The following HTR1F variants were observed in gnomAD, a reference collection of about 807,000 sequenced individuals.
The protein encoded by HTR1F is 5-hydroxytryptamine (serotonin) receptor 1F, G protein-coupled.
HTR1F carries 17 observed loss-of-function variants against 24.0 expected under a neutral mutation model. The ratio of observed to expected loss-of-function variants is 0.71; its 90% CI spans 0.48 to 1.06. HTR1F has a LOEUF of 1.06. HTR1F is among the 50% of genes least tolerant of loss of function. The pLI is 0.00. For synonymous variants in HTR1F, 186 were observed against 156.8 expected, an observed-to-expected ratio of 1.19 and a Z score of -1.39; for missense variants, 391 against 427.8, an observed-to-expected ratio of 0.91 and a Z score of 0.76.
At chr3:87,833,537 G>C (rs190116030) in intron 2 of HTR1F, among the ~76,000 whole-genome samples, 1 of 152,250 alleles carries the variant, frequency 6.6e-6, no homozygotes, top group Admixed American at 6.5e-5. Flanking sequence ...GGGTCTTGCT[G>C]TATTGCCCAG....
At chr3:87,871,830 G>A (rs12497315) in intron 2 of HTR1F, among the ~76,000 whole-genome samples, 14,744 of 151,930 alleles carry the variant, frequency 0.097, 788 homozygotes, top group East Asian at 0.16. Context: ...TCAATACCTC[G>A]CTTACAACAA....
At chr3:87,965,233 C>T (rs1052369745) in intron 2 of HTR1F, among the ~76,000 whole-genome samples, 2 of 152,100 alleles carry the variant, frequency 1.3e-5, no homozygotes, top group Non-Finnish European at 2.9e-5. Context: ...CAGTCATGCC[C>T]TTCATAAACC....
chr3:87,931,472 A>C (rs1259178424), intron 2 of HTR1F, among the ~76,000 whole-genome samples: 3 of 152,084 alleles, frequency 2.0e-5, no homozygotes, highest in East Asian at 3.9e-4. Flanking sequence ...GGTTGGTTCC[A>C]AGTCTTTGCT....
intron 1 of HTR1F, among the ~76,000 whole-genome samples, chr3:87,819,431 A>G (rs573016552): frequency 3.3e-5 from 5 of 150,300 alleles, no homozygotes; most frequent in Admixed American, 6.7e-5. Context: ...TTTATTTTTC[A>G]TCTAGTTTGC....
intron 2 of HTR1F, among the ~76,000 whole-genome samples, chr3:87,915,362 A>G (rs767338865): frequency 2.6e-5 from 4 of 152,168 alleles, no homozygotes; most frequent in Non-Finnish European, 5.9e-5. Context: ...AAACCCCTGA[A>G]TTACCTGAAA....
chr3:87,923,041 T>C (rs28854202), intron 2 of HTR1F, among the ~76,000 whole-genome samples: 27,100 of 151,858 alleles, frequency 0.18, 2,616 homozygotes, highest in African/African-American at 0.27. Flanking sequence ...CCCCAGTGCA[T>C]GTTCTTGGAG....
chr3:87,849,740 A>G (rs1705037723), intron 2 of HTR1F, among the ~76,000 whole-genome samples: 1 of 151,906 alleles, frequency 6.6e-6, no homozygotes, highest in African/African-American at 2.4e-5. Context: ...AGAATCTACA[A>G]TGAACTCAAA....
intron 2 of HTR1F, among the ~76,000 whole-genome samples, chr3:87,936,872 T>A (rs112743815): frequency 6.6e-6 from 1 of 151,364 alleles, no homozygotes; most frequent in Non-Finnish European, 1.5e-5. Context: ...AACTAGAAAA[T>A]CTAGAAGAGA....
At chr3:87,953,829 A>C (rs1363152446) in intron 2 of HTR1F, among the ~76,000 whole-genome samples, 2 of 151,862 alleles carry the variant, frequency 1.3e-5, no homozygotes, top group African/African-American at 4.8e-5. Context: ...TGTGGTAAAT[A>C]TACATAATGG....
chr3:87,915,246 T>C (rs1010347532), intron 2 of HTR1F, among the ~76,000 whole-genome samples: 5 of 151,892 alleles, frequency 3.3e-5, no homozygotes, highest in African/African-American at 1.2e-4. Flanking sequence ...CCTACCCAAA[T>C]GAGAAGGAAC....
At chr3:87,966,656 TTAAAA>T (rs63526762) in intron 2 of HTR1F, among the ~76,000 whole-genome samples, 8,577 of 152,210 alleles carry the variant, frequency 0.056, 727 homozygotes, top group African/African-American at 0.19. Flanking sequence ...GATCTAAGAA[TTAAAA>T]TAAATACTTG....
chr3:87,951,087 C>T (rs1704823311), intron 2 of HTR1F, among the ~76,000 whole-genome samples: 1 of 152,116 alleles, frequency 6.6e-6, no homozygotes, highest in Non-Finnish European at 1.5e-5. Flanking sequence ...CCCCATCCAA[C>T]AGGCAACCTC....
intron 2 of HTR1F, among the ~76,000 whole-genome samples, chr3:87,864,191 TC>T (rs1705374992): frequency 6.6e-6 from 1 of 152,160 alleles, no homozygotes; most frequent in Non-Finnish European, 1.5e-5. Flanking sequence ...CTTCCTTAAT[TC>T]CATTTTTTCA....
intron 1 of HTR1F, among the ~76,000 whole-genome samples, chr3:87,812,374 G>A (rs2130349): frequency 0.13 from 20,178 of 152,102 alleles, 4,160 homozygotes; most frequent in African/African-American, 0.45. Flanking sequence ...TTCTTGGGAA[G>A]TGGAGCAAAG....
At chr3:87,906,570 G>T (rs1327722514) in intron 2 of HTR1F, among the ~76,000 whole-genome samples, 2 of 150,988 alleles carry the variant, frequency 1.3e-5, no homozygotes, top group African/African-American at 4.9e-5. Context: ...TAGGCTTTTG[G>T]TAACAGGTGG....
At chr3:87,942,426 G>A (rs925243742) in intron 2 of HTR1F, among the ~76,000 whole-genome samples, 20 of 152,220 alleles carry the variant, frequency 1.3e-4, no homozygotes, top group African/African-American at 4.1e-4. Context: ...AAGCATACCC[G>A]GGGCTCTGTG....
chr3:87,861,521 C>T (rs1372460228), intron 2 of HTR1F, among the ~76,000 whole-genome samples: 2 of 152,040 alleles, frequency 1.3e-5, no homozygotes, highest in South Asian at 2.1e-4. Flanking sequence ...ATTATACTAA[C>T]AATTATTATT....
At position 87,955,636 on chromosome 3, in the gene HTR1F, G is replaced by A. The variant is rs182822408; in HGVS notation, c.-42-35072G>A. Among the ~76,000 whole-genome samples the A allele has an allele frequency of 2.6e-5, 4 of 151,552 alleles. No individual in the cohort carries two copies. In the East Asian group the frequency reaches 7.7e-4, roughly 29 times the overall value. Reference sequence around the variant, plus strand: ...AAATGCCAAATAGTTTTCCAAAGTAGTTGTACCATTTTATATTACTATTAA... The same window carrying A: ...AAATGCCAAATAGTTTTCCAAAGTAATTGTACCATTTTATATTACTATTAA... On this transcript the variant is annotated intron_variant, in intron 2 of 2. Transcript: ENST00000319595.
chr3:87,977,998 G>C (rs1705435387), intron 2 of HTR1F, among the ~76,000 whole-genome samples: 1 of 152,184 alleles, frequency 6.6e-6, no homozygotes, highest in South Asian at 2.1e-4. Context: ...ATGCATAGAG[G>C]CAAGAGGTAT....
Sources: allele counts gnomAD v4.1 joint callset (sites outside exome capture counted in the v4.1 genomes callset), GRCh38; gene constraint gnomAD v4.1.1; transcripts MANE v1.5; gene names NCBI Gene and HGNC (gene_info 2026-07-23, HGNC 2026-07-21).